Variants in EYA1 observed in about 807,000 individuals in gnomAD.
The protein encoded by EYA1 is EYA transcriptional coactivator and phosphatase 1.
EYA1 carries 16 observed loss-of-function variants against 82.0 expected under a neutral mutation model. That is an observed-to-expected ratio of 0.20 (90% CI 0.13 to 0.30). The LOEUF is 0.30. EYA1 is among the 10% of genes least tolerant of loss of function. The pLI, the probability that EYA1 is intolerant of heterozygous loss-of-function variation, is 1.00. For synonymous variants in EYA1, 261 were observed against 264.4 expected, an observed-to-expected ratio of 0.99 and a Z score of 0.12; for missense variants, 633 against 730.7, an observed-to-expected ratio of 0.87 and a Z score of 1.54.
chr8:71,395,542 G>A (rs937220286), intron 2 of EYA1, among the ~76,000 whole-genome samples: 1 of 152,118 alleles, frequency 6.6e-6, no homozygotes, highest in South Asian at 2.1e-4. Flanking sequence ...TGCATCTATT[G>A]AGATAATCAT....
intron 2 of EYA1, among the ~76,000 whole-genome samples, chr8:71,432,530 C>T (rs1175018860): frequency 1.3e-5 from 2 of 152,180 alleles, no homozygotes; most frequent in East Asian, 3.9e-4. Flanking sequence ...TCTGGAGCCT[C>T]TCTCCTTGGC....
chr8:71,355,363 C>T (rs541445902), intron 2 of EYA1, among the ~76,000 whole-genome samples: 3 of 152,300 alleles, frequency 2.0e-5, no homozygotes, highest in South Asian at 4.1e-4. Flanking sequence ...TAAATTAGCA[C>T]TAGGTACTCC....
intron 2 of EYA1, among the ~76,000 whole-genome samples, chr8:71,509,948 G>C (rs952899761): frequency 1.3e-5 from 2 of 151,848 alleles, no homozygotes; most frequent in African/African-American, 4.8e-5. Flanking sequence ...AAAATTTAAT[G>C]CTTCTGGCTG....
chr8:71,539,413 G>C (rs909383626), intron 1 of EYA1, among the ~76,000 whole-genome samples: 1 of 152,158 alleles, frequency 6.6e-6, no homozygotes, highest in Non-Finnish European at 1.5e-5. Flanking sequence ...AGCTCCAGGT[G>C]GTAGAGCGCC....
chr8:71,432,963 T>A (rs1805732909), intron 2 of EYA1, among the ~76,000 whole-genome samples: 1 of 152,186 alleles, frequency 6.6e-6, no homozygotes, highest in Non-Finnish European at 1.5e-5. Flanking sequence ...GAATATTGAC[T>A]GGTACCTGGT....
intron 2 of EYA1, among the ~76,000 whole-genome samples, chr8:71,422,888 G>A (rs971809079): frequency 3.3e-5 from 5 of 152,132 alleles, no homozygotes; most frequent in Admixed American, 2.0e-4. Flanking sequence ...AATTCATGAT[G>A]AGATTTGGGT....
chr8:71,544,963 G>A (rs1202480156), intron 1 of EYA1, among the ~76,000 whole-genome samples: 1 of 152,164 alleles, frequency 6.6e-6, no homozygotes, highest in East Asian at 1.9e-4. Flanking sequence ...TTCCAGCCTT[G>A]TGTAATATGC....
At chr8:71,412,121 T>C (rs947523382) in intron 2 of EYA1, among the ~76,000 whole-genome samples, 2 of 141,752 alleles carry the variant, frequency 1.4e-5, no homozygotes, top group African/African-American at 5.3e-5. Flanking sequence ...CAGTAAACTA[T>C]CACAAGAACA....
At chr8:71,541,038 G>T (rs1003582761) in intron 1 of EYA1, among the ~76,000 whole-genome samples, 1 of 152,148 alleles carries the variant, frequency 6.6e-6, no homozygotes, top group African/African-American at 2.4e-5. Context: ...CTACTTCATG[G>T]CTCCAGAAGC....
chr8:71,475,442 A>G, intron 2 of EYA1, among the ~76,000 whole-genome samples: 1 of 152,140 alleles, frequency 6.6e-6, no homozygotes, highest in East Asian at 1.9e-4. Context: ...ATAAAGGAAA[A>G]CTAGGTTTGG....
chr8:71,339,474 T>G (rs1824877352), intron 3 of EYA1, among the ~76,000 whole-genome samples: 1 of 152,186 alleles, frequency 6.6e-6, no homozygotes, highest in East Asian at 1.9e-4. Flanking sequence ...TTCCACCTCT[T>G]GACAACTGTC....
At chr8:71,258,911 G>A (rs898886048) in intron 11 of EYA1, among the ~76,000 whole-genome samples, 1 of 152,156 alleles carries the variant, frequency 6.6e-6, no homozygotes, top group African/African-American at 2.4e-5. Context: ...CAAACATTGA[G>A]GAAGGGAGAA....
chr8:71,467,332 T>C (rs1201074709), intron 2 of EYA1, among the ~76,000 whole-genome samples: 1 of 152,170 alleles, frequency 6.6e-6, no homozygotes, highest in Admixed American at 6.5e-5. Flanking sequence ...GGAGTCATCT[T>C]AGCAGTTTGC....
intron 2 of EYA1, among the ~76,000 whole-genome samples, chr8:71,500,557 C>T (rs1811739596): frequency 1.3e-5 from 2 of 152,126 alleles, no homozygotes; most frequent in Non-Finnish European, 2.9e-5. Flanking sequence ...AACAGACAAA[C>T]AAACAAACAA....
chr8:71,332,804 C>T (rs981728570), intron 4 of EYA1, among the ~76,000 whole-genome samples: 4 of 152,180 alleles, frequency 2.6e-5, no homozygotes, highest in Admixed American at 2.0e-4. Flanking sequence ...TCATACTGTA[C>T]ACACACCAGG....
intron 11 of EYA1, among the ~76,000 whole-genome samples, chr8:71,256,111 G>C (rs1198124005): frequency 6.6e-6 from 1 of 152,124 alleles, no homozygotes; most frequent in Non-Finnish European, 1.5e-5. Flanking sequence ...CAGCTGGTGG[G>C]AACATAAAAT....
chr8:71,374,528 A>T (rs1327337792), intron 2 of EYA1, among the ~76,000 whole-genome samples: 1 of 152,216 alleles, frequency 6.6e-6, no homozygotes, highest in Non-Finnish European at 1.5e-5. Context: ...TTTGCAGGCC[A>T]TTGATGAGAA....
At chr8:71,449,406 T>C (rs542631904) in intron 2 of EYA1, among the ~76,000 whole-genome samples, 1 of 152,288 alleles carries the variant, frequency 6.6e-6, no homozygotes, top group African/African-American at 2.4e-5. Context: ...TCCTTGTACA[T>C]CTCCACCAGA....
intron 2 of EYA1, among the ~76,000 whole-genome samples, chr8:71,434,145 A>T (rs1481281940): frequency 6.6e-6 from 1 of 152,218 alleles, no homozygotes; most frequent in East Asian, 1.9e-4. Flanking sequence ...GGATGAAGTT[A>T]TTACTAAAGG....
Sources: allele counts gnomAD v4.1 joint callset (sites outside exome capture counted in the v4.1 genomes callset), GRCh38; gene constraint gnomAD v4.1.1; transcripts MANE v1.5; gene names NCBI Gene and HGNC (gene_info 2026-07-23, HGNC 2026-07-21).